The following ADAMTSL1 variants were observed in gnomAD, a reference collection of about 807,000 sequenced individuals.
ADAMTSL1 encodes ADAMTS-like protein 1.
ADAMTSL1 carries 126 observed loss-of-function variants against 201.8 expected under a neutral mutation model. The observed-to-expected ratio is 0.62, with a 90% confidence interval of 0.54 to 0.72. ADAMTSL1 has a LOEUF of 0.72. Ranked by LOEUF, ADAMTSL1 falls within the 30% of genes least tolerant of loss-of-function variation. ADAMTSL1 has a pLI of 0.00. For missense variants in ADAMTSL1, 2,679 were observed against 2,277.8 expected, an observed-to-expected ratio of 1.18 and a Z score of -3.59; for synonymous variants, 1,121 against 903.4, an observed-to-expected ratio of 1.24 and a Z score of -4.32.
chr9:18,512,602 C>G (rs1277692638), intron 2 of ADAMTSL1, among the ~76,000 whole-genome samples: 4 of 152,092 alleles, frequency 2.6e-5, no homozygotes, highest in Non-Finnish European at 5.9e-5. Context: ...GGGCCAGAGT[C>G]TCAAGAATTT....
At chr9:18,639,131 G>C in intron 6 of ADAMTSL1, 123 bp from the exon 7 acceptor site, 1 of 869,804 alleles carries the variant, frequency 1.1e-6, no homozygotes, top group Non-Finnish European at 1.8e-6. Context: ...TTTCAATTTT[G>C]TCAGCTATAT....
chr9:18,886,720 G>C (rs948868084), intron 23 of ADAMTSL1, among the ~76,000 whole-genome samples: 7 of 152,292 alleles, frequency 4.6e-5, no homozygotes, highest in South Asian at 4.1e-4. Context: ...CGTGAGGACA[G>C]AGCCCATGTG....
chr9:18,632,284 T>C (rs1230460193), intron 5 of ADAMTSL1, among the ~76,000 whole-genome samples: 5 of 152,220 alleles, frequency 3.3e-5, no homozygotes, highest in African/African-American at 4.8e-5. Context: ...AACTCAAAAG[T>C]GGCTTTTTAT....
Position 18,137,387 on chromosome 9 carries a change from C to G in ADAMTSL1, c.88-26475C>G, listed in dbSNP as rs1011762957. Among the ~76,000 whole-genome samples, 4 of 152,220 alleles carry G rather than the reference C, an allele frequency of 2.6e-5. No individual in the cohort carries two copies. In the South Asian group the frequency reaches 8.3e-4, roughly 32 times the overall value. On this transcript the variant is annotated intron_variant, in intron 1 of 29. Transcript: ENST00000680146. ...CAGGCTAAACTGGGACTGGCTGAAG[C>G]CTTGAGCCTTCAATATTCATCTTTG...
chr9:18,583,563 G>T, intron 4 of ADAMTSL1, among the ~76,000 whole-genome samples: 1 of 149,322 alleles, frequency 6.7e-6, no homozygotes, highest in East Asian at 1.9e-4. Flanking sequence ...ACCTAGGAAA[G>T]CTGTGAGACA....
At chr9:18,080,245 A>G (rs1823433150) in intron 1 of ADAMTSL1, among the ~76,000 whole-genome samples, 1 of 152,190 alleles carries the variant, frequency 6.6e-6, no homozygotes, top group African/African-American at 2.4e-5. Context: ...GTTGGTAGAA[A>G]CACCAAAGAC....
rs183930889 is a variant in ADAMTSL1 at position 18,343,930 on chromosome 9, C to T, written c.208-160899C>T. 1.7e-3 allele frequency among the ~76,000 whole-genome samples: 257 copies of T among 152,152 alleles called. 7 individuals are homozygous for T. Among genetic ancestry groups the T allele is most frequent in the Admixed American group, 0.016 (244 of 15,278 alleles). On this transcript the variant is annotated intron_variant, in intron 2 of 29. Coordinates refer to the ADAMTSL1 transcript ENST00000680146. ...CCCCAGGAAGCAGAGTTTATGATTC[C>T]GCCTATGCAAATCTCTCCTGAGGCC...
At chr9:18,130,044 C>G (rs1312422998) in intron 1 of ADAMTSL1, among the ~76,000 whole-genome samples, 1 of 152,168 alleles carries the variant, frequency 6.6e-6, no homozygotes, top group African/African-American at 2.4e-5. Context: ...GCAGGCACTG[C>G]CATCCCCACT....
chr9:18,862,456 C>T (rs569705952), intron 23 of ADAMTSL1, among the ~76,000 whole-genome samples: 11 of 152,246 alleles, frequency 7.2e-5, no homozygotes, highest in South Asian at 4.1e-4. Flanking sequence ...TCATAGAGTC[C>T]GCAGGTTTTC....
intron 2 of ADAMTSL1, among the ~76,000 whole-genome samples, chr9:18,320,720 G>T (rs1320645846): frequency 6.6e-6 from 1 of 152,078 alleles, no homozygotes; most frequent in Non-Finnish European, 1.5e-5. Context: ...GGATGAGAGA[G>T]GTTAATGGAA....
chr9:18,504,678 G>T, intron 1 of ADAMTSL1, 151 bp from the exon 2 acceptor site: 1 of 1,129,334 alleles, frequency 8.9e-7, no homozygotes. Flanking sequence ...TAGGCATTAT[G>T]AAATGGAAAA....
chr9:18,203,796 T>C (rs1238301777), intron 2 of ADAMTSL1, among the ~76,000 whole-genome samples: 1 of 152,102 alleles, frequency 6.6e-6, no homozygotes, highest in Non-Finnish European at 1.5e-5. Flanking sequence ...AGTGCAAGTA[T>C]GGCTCCGATT....
rs190269112 is a variant in ADAMTSL1 at position 18,267,769 on chromosome 9, A to C, written c.207+103788A>C. ...AGGTTACTCAAAGGCTATTAAAAAAAAAAAACAAAAACAAAAACAAAAAAA... is the reference window on the plus strand; with the variant it reads ...AGGTTACTCAAAGGCTATTAAAAAACAAAAACAAAAACAAAAACAAAAAAA... On this transcript the variant is annotated intron_variant, in intron 2 of 29. Coordinates refer to the ADAMTSL1 transcript ENST00000680146. Among the ~76,000 whole-genome samples, 257 of 149,436 alleles carry C rather than the reference A, an allele frequency of 1.7e-3. 10 individuals carry two copies. Among genetic ancestry groups the C allele is most frequent in the African/African-American group, 5.8e-3 (235 of 40,818 alleles).
At chr9:18,589,380 A>G (rs1236919784) in intron 4 of ADAMTSL1, among the ~76,000 whole-genome samples, 1 of 152,118 alleles carries the variant, frequency 6.6e-6, no homozygotes, top group East Asian at 1.9e-4. Flanking sequence ...CAAATTGATC[A>G]CTGTTAATAT....
At chr9:18,127,029 G>A (rs1825759820) in intron 1 of ADAMTSL1, among the ~76,000 whole-genome samples, 1 of 152,112 alleles carries the variant, frequency 6.6e-6, no homozygotes, top group Non-Finnish European at 1.5e-5. Flanking sequence ...TCAAGATGCT[G>A]GGCAGCCAGC....
At chr9:18,887,203 C>T (rs182309528) in intron 23 of ADAMTSL1, among the ~76,000 whole-genome samples, 2 of 152,312 alleles carry the variant, frequency 1.3e-5, no homozygotes, top group South Asian at 2.1e-4. Flanking sequence ...CTTGGGTAGA[C>T]ATTTGAGTTT....
chr9:18,286,291 G>C (rs976644529), intron 2 of ADAMTSL1, among the ~76,000 whole-genome samples: 2 of 152,136 alleles, frequency 1.3e-5, no homozygotes, highest in Non-Finnish European at 2.9e-5. Flanking sequence ...ACTTAGAAAA[G>C]TAGTACATAA....
chr9:18,106,415 C>A (rs757493900), intron 1 of ADAMTSL1, among the ~76,000 whole-genome samples: 4 of 152,210 alleles, frequency 2.6e-5, no homozygotes, highest in Admixed American at 1.3e-4. Flanking sequence ...TTTGCCCACA[C>A]AGCATTTCTC....
At chr9:18,140,118 A>T (rs1214236022) in intron 1 of ADAMTSL1, among the ~76,000 whole-genome samples, 1 of 152,196 alleles carries the variant, frequency 6.6e-6, no homozygotes. Context: ...ATGCAAAGCT[A>T]AGCAAACCCT....
Sources: gnomAD v4.1 joint callset for allele counts (sites outside exome capture counted in the v4.1 genomes callset) on GRCh38, gnomAD v4.1.1 for gene constraint, MANE v1.5 for transcripts, NCBI Gene and HGNC (gene_info 2026-07-23, HGNC 2026-07-21) for gene names.